TF: variants seen among roughly 807,000 people sequenced by gnomAD.
The protein encoded by TF is transferrin, also known as serotransferrin.
Under a neutral mutation model 82.4 loss-of-function variants are expected in TF, and 55 were observed. The observed-to-expected ratio is 0.67, with a 90% CI of 0.54 to 0.84. The LOEUF (loss-of-function observed/expected upper bound fraction) is 0.84, where lower values mean the gene tolerates loss of function less well. TF is among the 40% of genes least tolerant of loss of function. TF has a pLI of 0.00. For synonymous variants in TF, 332 were observed against 332.6 expected (o/e 1.00, Z 0.02); for missense variants, 737 against 868.4 (o/e 0.85, Z 1.90).
At chr3:133,716,745 C>G in the TF span, among the ~76,000 whole-genome samples, 2 of 152,220 alleles carry the variant, frequency 1.3e-5, no homozygotes, top group African/African-American at 4.8e-5. Flanking sequence ...TCCCATATCA[C>G]TCGGAGTAAA....
chr3:133,711,915 G>T, the TF span, among the ~76,000 whole-genome samples: 10 of 151,860 alleles, frequency 6.6e-5, no homozygotes, highest in Non-Finnish European at 1.2e-4. Flanking sequence ...TCTCTGTGCC[G>T]TGCCTCCACC....
At chr3:133,746,914 G>C (rs1017284221) in intron 1 of TF, among the ~76,000 whole-genome samples, 1 of 152,174 alleles carries the variant, frequency 6.6e-6, no homozygotes, top group Non-Finnish European at 1.5e-5. Flanking sequence ...GCCATCGAGC[G>C]GTCAGAGCAT....
chr3:133,671,795 G>GAAAA, the TF span, among the ~76,000 whole-genome samples: 7 of 54,534 alleles, frequency 1.3e-4, 1 homozygote, highest in East Asian at 5.7e-4. Flanking sequence ...TCTGTCAAAA[G>GAAAA]AAAAAAAAAA....
chr3:133,757,030 C>T, intron 7 of TF, 21 bp downstream of exon 7: 3 of 1,614,108 alleles, frequency 1.9e-6, no homozygotes, highest in Middle Eastern at 3.3e-4. Context: ...CTGCCATCCT[C>T]CCCTCCAGCT....
intron 2 of TF, among the ~76,000 whole-genome samples, chr3:133,753,099 A>G (rs1000843047): frequency 6.6e-6 from 1 of 152,194 alleles, no homozygotes; most frequent in African/African-American, 2.4e-5. Flanking sequence ...AAGACCTCAA[A>G]GGAAGTCTCA....
rs1934773320 is a variant in TF, at chr3:133,789,435, C to G, written c.*10815C>G. The G allele has an allele frequency of 6.6e-6, 1 of 152,168 alleles. No homozygotes were observed. Among genetic ancestry groups the G allele is most frequent in the African/African-American group, 2.4e-5 (1 of 41,450 alleles). 9.4% of individuals were successfully genotyped at this position (152,168 alleles called of 1,614,324 possible). A position where few individuals can be genotyped will look rare whatever the true frequency, so the allele number is the denominator to read the frequency against. On this transcript the variant is annotated 3_prime_UTR_variant, in exon 17 of 17. Coordinates refer to ENST00000402696, the MANE Select transcript of TF (RefSeq NM_001063.4). ...CAAACTGCCATGGAAATTGCTTTAC[C>G]TGAAATAATAGTTCACAGCCTTCAT...
At chr3:133,765,898 C>G (rs1214002033) in intron 11 of TF, among the ~76,000 whole-genome samples, 1 of 152,156 alleles carries the variant, frequency 6.6e-6, no homozygotes, top group African/African-American at 2.4e-5. Flanking sequence ...TGATCTTTTA[C>G]TACTATATCT....
rs1934677302 is a variant in TF, at chr3:133,786,220, A to T, written c.*7600A>T. On this transcript the variant is annotated 3_prime_UTR_variant, in exon 17 of 17. Coordinates refer to ENST00000402696, the MANE Select transcript of TF (RefSeq NM_001063.4). ...CCAAGAATTATCAATAAAAAAATAA[A>T]TTAAAAAAAAAAAAAAAAAACAATA... 1 of 23,902 alleles carries T rather than the reference A, an allele frequency of 4.2e-5. No individual in the cohort carries two copies. 1.5% of individuals were successfully genotyped at this position (23,902 alleles called of 1,614,324 possible). A position where few individuals can be genotyped will look rare whatever the true frequency, so the allele number is the denominator to read the frequency against.
chr3:133,727,049 A>G, the TF span, among the ~76,000 whole-genome samples: 1 of 152,090 alleles, frequency 6.6e-6, no homozygotes, highest in African/African-American at 2.4e-5. Flanking sequence ...CTGTTCTTTT[A>G]CATTTGCTGA....
chr3:133,693,199 T>C, the TF span, among the ~76,000 whole-genome samples: 2,065 of 152,312 alleles, frequency 0.014, 18 homozygotes, highest in Middle Eastern at 0.037. Context: ...GGGCCATCAC[T>C]GAGGCCCTCT....
the TF span, among the ~76,000 whole-genome samples, chr3:133,727,235 A>G: frequency 0.19 from 29,404 of 151,606 alleles, 2,971 homozygotes; most frequent in East Asian, 0.29. Flanking sequence ...TCATTGATCT[A>G]TCTAATGTTG....
rs1157457108 is a variant in TF at position 133,793,494 on chromosome 3, A to G, written c.*14874A>G. The G allele has an allele frequency of 1.3e-5, 2 of 149,700 alleles. No homozygotes were observed. The highest frequency in any genetic ancestry group is 5.1e-5 in the African/African-American group (2 of 39,280). 9.3% of individuals were successfully genotyped at this position (149,700 alleles called of 1,614,324 possible). On this transcript the variant is annotated 3_prime_UTR_variant, in exon 17 of 17. Coordinates refer to ENST00000402696, the MANE Select transcript of TF (RefSeq NM_001063.4). ...GTTTAATTACATGGGAAGCATTGTC[A>G]AAAAGAAAAAAATTTAATCTTCTTC...
At chr3:133,733,937 C>T in the TF span, among the ~76,000 whole-genome samples, 1 of 151,956 alleles carries the variant, frequency 6.6e-6, no homozygotes. Flanking sequence ...GCAGTGGCTC[C>T]TGAGACACTG....
chr3:133,687,084 C>G, the TF span, among the ~76,000 whole-genome samples: 1 of 152,144 alleles, frequency 6.6e-6, no homozygotes, highest in Non-Finnish European at 1.5e-5. Flanking sequence ...TCTGAGCAAA[C>G]TATCGCAAGG....
upstream of TF, among the ~76,000 whole-genome samples, chr3:133,745,099 G>A (rs959357885): frequency 5.3e-5 from 8 of 152,176 alleles, no homozygotes; most frequent in Non-Finnish European, 7.3e-5. Context: ...CAACCTTCAC[G>A]AGATGCACAC....
chr3:133,666,444 T>C, the TF span, among the ~76,000 whole-genome samples: 1 of 152,218 alleles, frequency 6.6e-6, no homozygotes, highest in Non-Finnish European at 1.5e-5. Flanking sequence ...GTGCTGGGAT[T>C]ACAGGTATGA....
chr3:133,683,092 C>T, the TF span, among the ~76,000 whole-genome samples: 1 of 152,134 alleles, frequency 6.6e-6, no homozygotes, highest in Non-Finnish European at 1.5e-5. Context: ...AATTTCATAT[C>T]CAGCCAAACT....
chr3:133,715,988 G>C, the TF span, among the ~76,000 whole-genome samples: 1 of 152,116 alleles, frequency 6.6e-6, no homozygotes, highest in Non-Finnish European at 1.5e-5. Flanking sequence ...CAGCATCACT[G>C]GCAGCCCCCA....
chr3:133,753,262 G>T (rs1202271936), intron 2 of TF, among the ~76,000 whole-genome samples: 1 of 152,180 alleles, frequency 6.6e-6, no homozygotes, highest in East Asian at 1.9e-4. Context: ...GGGTGGCGAG[G>T]GCGGCTTTCT....
Sources: gnomAD v4.1 joint callset for allele counts (sites outside exome capture counted in the v4.1 genomes callset) on GRCh38, gnomAD v4.1.1 for gene constraint, MANE v1.5 for transcripts, NCBI Gene and HGNC (gene_info 2026-07-23, HGNC 2026-07-21) for gene names.